The following MYO1G variants were observed in gnomAD, a reference collection of about 807,000 sequenced individuals.
The protein encoded by MYO1G is myosin IG.
A neutral mutation model predicts 115.3 loss-of-function variants in MYO1G; 65 were observed. The observed-to-expected ratio is 0.56, with a 90% CI of 0.46 to 0.69. The LOEUF is 0.69. MYO1G is among the 30% of genes least tolerant of loss of function. The probability of loss-of-function intolerance (pLI) is 0.00; values close to 1 mark genes in which losing one functional copy is unlikely to be tolerated. For missense variants in MYO1G, 1,204 were observed against 1,393.5 expected (o/e 0.86, Z 2.16); for synonymous variants, 510 against 552.6 (o/e 0.92, Z 1.08).
At position 44,969,137 on chromosome 7, in the gene MYO1G, G is replaced by T; in HGVS notation, c.1574+276C>A. ...GCCTGAAGCCCCCCACCCCACAGAT[G>T]CTGGTATAGGGTTGGGCCCAGACAT... On this transcript the variant is annotated intron_variant, in intron 12 of 21. Coordinates refer to ENST00000258787, the MANE Select transcript of MYO1G (RefSeq NM_033054.3). This position sits in a 1 kb window ranked among gnomAD's most constrained non-coding sequence, Gnocchi z 5.0. The T allele has an allele frequency of 3.2e-6, 1 of 317,282 alleles. No homozygotes were observed. Among genetic ancestry groups the T allele is most frequent in the Non-Finnish European group, 6.0e-6 (1 of 166,904 alleles). The allele number at this position is 317,282 out of a possible 1,614,324, so 19.7% of individuals were successfully genotyped here. A position where few individuals can be genotyped will look rare whatever the true frequency, so the allele number is the denominator to read the frequency against.
chr7:44,967,693 T>C lies in MYO1G; in HGVS notation c.1694A>G (p.Asp565Gly). 1 of 1,613,676 alleles carries C rather than the reference T, an allele frequency of 6.2e-7. No homozygotes were observed. Residue 565 changes from aspartate to glycine, a missense_variant, in exon 14 of 22, where the codon GAC becomes GGC. Coordinates refer to ENST00000258787, the MANE Select transcript of MYO1G (RefSeq NM_033054.3). ...LRAMWPDGQQ[D>G]ITEVTKRPLT... ...GGGGCGCTTGGTCACCTCTGTGATG[T>C]CCTGCTGCCCGTCCGGCCACATGGC...
Position 44,965,215 on chromosome 7 carries a change from C to T in MYO1G, c.2382-126G>A, listed in dbSNP as rs746145385. Reference sequence around the variant, plus strand: ...CTGCCTTTCATGTCCCAACCTCTGCCGGCCTCTCTGGCCTTGGCCCCTTGT... The same window carrying T: ...CTGCCTTTCATGTCCCAACCTCTGCTGGCCTCTCTGGCCTTGGCCCCTTGT... On this transcript the variant is annotated intron_variant, in intron 17 of 21. Transcript: ENST00000258787. The T allele has an allele frequency of 8.9e-5, 124 of 1,389,552 alleles. No homozygotes were observed. In the African/African-American group the frequency reaches 1.3e-3, roughly 14 times the overall value. The allele number at this position is 1,389,552 out of a possible 1,614,324, so 86.1% of individuals were successfully genotyped here.
chr7:44,969,201 A>T lies in MYO1G; in HGVS notation c.1574+212T>A, dbSNP rs1184441322. Reference sequence around the variant, plus strand: ...TTTTTAAAGGCTCCCAGAAGAATGCAGCCATGGTTAACCACTATCCTCAAA... The same window carrying T: ...TTTTTAAAGGCTCCCAGAAGAATGCTGCCATGGTTAACCACTATCCTCAAA... On this transcript the variant is annotated intron_variant, in intron 12 of 21. Transcript: ENST00000258787. This position sits in a 1 kb window ranked among gnomAD's most constrained non-coding sequence, Gnocchi z 5.0. The T allele has an allele frequency of 1.2e-5, 7 of 569,130 alleles. No individual in the cohort carries two copies. In the East Asian group the frequency reaches 2.1e-4, roughly 17 times the overall value. 35.3% of individuals were successfully genotyped at this position (569,130 alleles called of 1,614,324 possible). A position where few individuals can be genotyped will look rare whatever the true frequency, so the allele number is the denominator to read the frequency against.
intron 12 of MYO1G, chr7:44,968,730 C>A (rs1794897529): frequency 6.6e-6 from 1 of 152,472 alleles, no homozygotes; most frequent in Non-Finnish European, 1.5e-5. Context: ...GTCTCGAACT[C>A]TTGGCCTCAG....
Position 44,966,717 on chromosome 7 carries a change from C to G in MYO1G, c.1904G>C (p.Arg635Thr). Residue 635 changes from arginine to threonine, a missense_variant, in exon 15 of 22, where the codon AGG becomes ACG. Arg to Thr is a moderately conservative substitution (Grantham distance 71). Coordinates refer to ENST00000258787, the MANE Select transcript of MYO1G (RefSeq NM_033054.3). The surrounding 1 kb of genome is among the most constrained non-coding windows in gnomAD (Gnocchi z 5.0). Reference protein sequence around the residue: ...LGLLENVRVRRAGFASRQPYS... With the variant: ...LGLLENVRVRTAGFASRQPYS... ...GGGCTGGCGGGAAGCGAAGCCAGCCCTGCGGACCCTCACATTCTCCAGCAG... is the reference window on the plus strand; with the variant it reads ...GGGCTGGCGGGAAGCGAAGCCAGCCGTGCGGACCCTCACATTCTCCAGCAG... The G allele has an allele frequency of 6.2e-7, 1 of 1,613,250 alleles. No individual in the cohort carries two copies. The highest frequency in any genetic ancestry group is 8.5e-7 in the Non-Finnish European group (1 of 1,180,002).
At chr7:44,978,263 C>T (rs1242503935) in intron 1 of MYO1G, among the ~76,000 whole-genome samples, 2 of 152,240 alleles carry the variant, frequency 1.3e-5, no homozygotes, top group Non-Finnish European at 2.9e-5. Flanking sequence ...CTGCCCTCCA[C>T]CTGCCCTCCT....
Position 44,962,829 on chromosome 7 carries a change from G to A in MYO1G, c.2967C>T (p.Arg989=). 3 of 1,519,858 alleles carry A rather than the reference G, an allele frequency of 2.0e-6. No homozygotes were observed. The highest frequency in any genetic ancestry group is 2.6e-6 in the Non-Finnish European group (3 of 1,138,742). 94.1% of individuals were successfully genotyped at this position (1,519,858 alleles called of 1,614,324 possible). A position where few individuals can be genotyped will look rare whatever the true frequency, so the allele number is the denominator to read the frequency against. ...CIPLSHRGVR[R]LISVEPRPEQ... ...CCGGCCTGGGCTCCACGGAGATGAG[G>A]CGCCGGACCCCGCGATGGCTTAGTG... is the stretch of plus-strand genomic sequence containing the variant. The change falls in exon 22 of 22, where the codon CGC becomes CGT. Residue 989 remains arginine, a synonymous_variant. Transcript: ENST00000258787. This position sits in a 1 kb window ranked among gnomAD's most constrained non-coding sequence, Gnocchi z 5.3.
At chr7:44,976,463 A>G in intron 3 of MYO1G, 101 bp downstream of exon 3, 2 of 1,106,708 alleles carry the variant, frequency 1.8e-6, no homozygotes, top group Non-Finnish European at 2.7e-6. Context: ...CCTGAGCTAG[A>G]CTCCAGTTGC....
In MYO1G at chr7:44,963,127, G is replaced by C. The variant is rs750168687; in HGVS notation, c.2746-3C>G. On this transcript the variant is annotated splice_region_variant and splice_polypyrimidine_tract_variant and intron_variant, in intron 20 of 21. Transcript: ENST00000258787. The surrounding 1 kb of genome is among the most constrained non-coding windows in gnomAD (Gnocchi z 4.1). ...CTGGTCACGCTCAGCCCCGTCACCT[G>C]AGCGGAGCGCGGGGTCAGAGTGCAG... 1.4e-6 allele frequency: 2 copies of C among 1,460,236 alleles called. No individual in the cohort carries two copies. Among genetic ancestry groups the C allele is most frequent in the Non-Finnish European group, 1.8e-6 (2 of 1,111,022 alleles). 90.5% of individuals were successfully genotyped at this position (1,460,236 alleles called of 1,614,324 possible). A position where few individuals can be genotyped will look rare whatever the true frequency, so the allele number is the denominator to read the frequency against.
chr7:44,976,484 T>G, intron 3 of MYO1G, 80 bp downstream of exon 3: 1 of 1,379,714 alleles, frequency 7.2e-7, no homozygotes, highest in Non-Finnish European at 1.0e-6. Flanking sequence ...CGTCTCTCAC[T>G]CCCCAGAGCC....
In MYO1G at chr7:44,966,146, G is replaced by A. The variant is rs1372711574; in HGVS notation, c.2084C>T (p.Ser695Leu). 6.2e-7 allele frequency: 1 copy of A among 1,613,112 alleles called. No homozygotes were observed. The highest frequency in any genetic ancestry group is 2.2e-5 in the East Asian group (1 of 44,864). The change falls in exon 16 of 22, where the codon TCA becomes TTA. Residue 695 changes from serine to leucine, a missense_variant. Coordinates refer to ENST00000258787, the MANE Select transcript of MYO1G (RefSeq NM_033054.3). The surrounding 1 kb of genome is among the most constrained non-coding windows in gnomAD (Gnocchi z 5.0). ...AFGHSKLFIRSPRTLVTLEQS... is the reference protein window; with the variant it reads ...AFGHSKLFIRLPRTLVTLEQS... The stretch of plus-strand genomic sequence containing the variant: ...CTCCAGTGTGACCAGTGTCCGGGGT[G>A]AGCGGATGAACAGCTTGCTGTGGCC...
At chr7:44,977,959 TCTC>T (rs1795088796) in intron 1 of MYO1G, among the ~76,000 whole-genome samples, 2 of 152,212 alleles carry the variant, frequency 1.3e-5, no homozygotes, top group Non-Finnish European at 2.9e-5. Context: ...GGCTCAGTGT[TCTC>T]CTCATCAAAA....
rs745949471 is a variant in MYO1G at position 44,967,684 on chromosome 7, T to C, written c.1703A>G (p.Glu568Gly). The C allele has an allele frequency of 8.7e-6, 14 of 1,613,602 alleles. No homozygotes were observed. In the Admixed American group the frequency reaches 2.3e-4, roughly 27 times the overall value. ...MWPDGQQDIT[E>G]VTKRPLTAGT... ...AGCCGTCAGGGGGCGCTTGGTCACC[T>C]CTGTGATGTCCTGCTGCCCGTCCGG... is the stretch of plus-strand genomic sequence containing the variant. The change falls in exon 14 of 22, where the codon GAG becomes GGG. Residue 568 changes from glutamate (E) to glycine (G), a missense_variant. Transcript: ENST00000258787.
At position 44,969,927 on chromosome 7, in the gene MYO1G, C is replaced by A; in HGVS notation, c.1333-52G>T. Reference sequence around the variant, plus strand: ...GCTCCCAAGGTCTTTCAGGCCACCTCCCCTCCTCCGCCCCACACTCAGCCA... The same window carrying A: ...GCTCCCAAGGTCTTTCAGGCCACCTACCCTCCTCCGCCCCACACTCAGCCA... On this transcript the variant is annotated intron_variant, in intron 10 of 21. Coordinates refer to ENST00000258787, the MANE Select transcript of MYO1G (RefSeq NM_033054.3). This position sits in a 1 kb window ranked among gnomAD's most constrained non-coding sequence, Gnocchi z 5.0. 6.3e-7 allele frequency: 1 copy of A among 1,585,512 alleles called. No homozygotes were observed. Among genetic ancestry groups the A allele is most frequent in the Non-Finnish European group, 8.6e-7 (1 of 1,164,312 alleles).
Position 44,969,464 on chromosome 7 carries a change from G to A in MYO1G, c.1523C>T (p.Thr508Ile). The A allele has an allele frequency of 1.2e-6, 2 of 1,613,942 alleles. No individual in the cohort carries two copies. Among genetic ancestry groups the A allele is most frequent in the Non-Finnish European group, 1.7e-6 (2 of 1,180,008 alleles). Residue 508 changes from threonine to isoleucine, a missense_variant, in exon 12 of 22, where the codon ACC becomes ATC. Thr to Ile is a moderately conservative substitution (Grantham distance 89, BLOSUM62 -1). Transcript: ENST00000258787. This position sits in a 1 kb window ranked among gnomAD's most constrained non-coding sequence, Gnocchi z 5.0. ...TSRQLCPTDK[T>I]MEFGRDFRIK... ...CCGGAAGTCTCGGCCAAACTCCATG[G>A]TCTTGTCTGTGGGGCAGAGCTATGG... is the stretch of plus-strand genomic sequence containing the variant.
intron 5 of MYO1G, 133 bp from the exon 6 acceptor site, chr7:44,972,358 A>G: frequency 4.5e-6 from 3 of 671,738 alleles, no homozygotes; most frequent in Admixed American, 4.3e-5. Context: ...AAGGTCAGAC[A>G]GTGTGAACAG....
intron 9 of MYO1G, 25 bp downstream of exon 9, chr7:44,970,567 G>A: frequency 6.2e-7 from 1 of 1,612,926 alleles, no homozygotes; most frequent in Non-Finnish European, 8.5e-7. Context: ...GTCAGAGGTG[G>A]AGATGTGGCT....
At chr7:44,978,188 G>T (rs1795116228) in intron 1 of MYO1G, among the ~76,000 whole-genome samples, 1 of 152,108 alleles carries the variant, frequency 6.6e-6, no homozygotes, top group South Asian at 2.1e-4. Flanking sequence ...GGGAGTCCTG[G>T]CAGGAAGCCC....
In MYO1G at chr7:44,964,156, G is replaced by T; in HGVS notation, c.2638C>A (p.Arg880Ser). 1 of 1,589,838 alleles carries T rather than the reference G, an allele frequency of 6.3e-7. No individual in the cohort carries two copies. Among genetic ancestry groups the T allele is most frequent in the Non-Finnish European group, 8.6e-7 (1 of 1,167,840 alleles). ...GCCCGGTTCCGGATCTTGTGGAAGC[G>T]GTTCACCTGTGGGAGAGGTGGCTGG... ...LFSSHVRKVN[R>S]FHKIRNRALL... The change falls in exon 20 of 22, where the codon CGC becomes AGC. Residue 880 changes from arginine to serine, a missense_variant. Physicochemically the swap from Arg to Ser is moderately radical, Grantham distance 110. Coordinates refer to ENST00000258787, the MANE Select transcript of MYO1G (RefSeq NM_033054.3). This position sits in a 1 kb window ranked among gnomAD's most constrained non-coding sequence, Gnocchi z 5.1.
Sources: allele counts gnomAD v4.1 joint callset (sites outside exome capture counted in the v4.1 genomes callset), GRCh38; gene constraint gnomAD v4.1.1; non-coding constraint Gnocchi (gnomAD v3.1); transcripts MANE v1.5; gene names NCBI Gene and HGNC (gene_info 2026-07-23, HGNC 2026-07-21).